Variants in PTK2 observed in about 807,000 individuals in gnomAD.
PTK2 encodes focal adhesion kinase 1.
A neutral mutation model predicts 150.1 loss-of-function variants in PTK2; 45 were observed. That is an observed-to-expected ratio of 0.30 (90% confidence interval 0.24 to 0.38). The LOEUF is 0.38. PTK2 is among the 10% of genes least tolerant of loss of function. The pLI is 1.00. For missense variants in PTK2, 919 were observed against 1,307.3 expected, an observed-to-expected ratio of 0.70 and a Z score of 4.58; for synonymous variants, 432 against 449.2, an observed-to-expected ratio of 0.96 and a Z score of 0.48.
chr8:140,663,844 A>T (rs1384450904), intron 31 of PTK2, among the ~76,000 whole-genome samples: 1 of 152,018 alleles, frequency 6.6e-6, no homozygotes, highest in Non-Finnish European at 1.5e-5. Flanking sequence ...TTTTGTAGAG[A>T]CAGAGTCTCG....
At chr8:140,707,254 T>C (rs2100034332) in intron 23 of PTK2, among the ~76,000 whole-genome samples, 2 of 152,176 alleles carry the variant, frequency 1.3e-5, no homozygotes, top group East Asian at 1.9e-4. Context: ...AAAAATGTTA[T>C]AGGCTGGGCG....
chr8:140,701,572 A>C (rs2154091365), intron 25 of PTK2, among the ~76,000 whole-genome samples: 1 of 152,240 alleles, frequency 6.6e-6, no homozygotes, highest in South Asian at 2.1e-4. Flanking sequence ...AGGTCAAATA[A>C]ATTTTTAAAC....
intron 5 of PTK2, among the ~76,000 whole-genome samples, chr8:140,860,558 T>A (rs2100135457): frequency 6.6e-6 from 1 of 152,200 alleles, no homozygotes; most frequent in Admixed American, 6.5e-5. Flanking sequence ...CACTGCAACC[T>A]TTGCCTCCTG....
chr8:140,744,082 CTTTTTTT>C (rs5895647), intron 19 of PTK2, among the ~76,000 whole-genome samples: 2 of 144,984 alleles, frequency 1.4e-5, no homozygotes, highest in Non-Finnish European at 3.0e-5. Flanking sequence ...CGGCCTATTT[CTTTTTTT>C]TTTTTTTGGA....
At chr8:140,880,551 C>G (rs2100148588) in intron 3 of PTK2, among the ~76,000 whole-genome samples, 1 of 151,958 alleles carries the variant, frequency 6.6e-6, no homozygotes, top group Non-Finnish European at 1.5e-5. Context: ...GGTGATAAGA[C>G]AAGTTTTTTT....
chr8:140,846,522 G>C (rs1259847708), intron 6 of PTK2, 77 bp downstream of exon 6: 1 of 1,297,026 alleles, frequency 7.7e-7, no homozygotes, highest in Non-Finnish European at 1.1e-6. Flanking sequence ...ATGAAGAAAA[G>C]GAAAATACCT....
At chr8:140,698,044 G>C (rs2100027910) in intron 26 of PTK2, among the ~76,000 whole-genome samples, 1 of 151,910 alleles carries the variant, frequency 6.6e-6, no homozygotes, top group South Asian at 2.1e-4. Flanking sequence ...TTCCTGGAAT[G>C]TATTTCCTGA....
chr8:140,740,197 G>C (rs902282894), intron 20 of PTK2, among the ~76,000 whole-genome samples: 2 of 152,096 alleles, frequency 1.3e-5, no homozygotes, highest in African/African-American at 4.8e-5. Context: ...TTTTTTTCAA[G>C]GAATGCTCAT....
chr8:140,906,175 C>T (rs2100160799), intron 2 of PTK2, among the ~76,000 whole-genome samples: 1 of 152,148 alleles, frequency 6.6e-6, no homozygotes, highest in Admixed American at 6.5e-5. Flanking sequence ...GATACCATCT[C>T]ACCTCAGTTG....
At chr8:140,842,330 A>AT (rs977735365) in intron 7 of PTK2, among the ~76,000 whole-genome samples, 5 of 151,010 alleles carry the variant, frequency 3.3e-5, no homozygotes, top group South Asian at 2.1e-4. Flanking sequence ...ATTGTTTTCT[A>AT]TTTTTTTTTC....
chr8:140,968,413 T>C (rs1291181661), intron 1 of PTK2, among the ~76,000 whole-genome samples: 1 of 152,198 alleles, frequency 6.6e-6, no homozygotes, highest in Admixed American at 6.5e-5. Flanking sequence ...ATTATTTATA[T>C]GACTAGCCAA....
intron 1 of PTK2, among the ~76,000 whole-genome samples, chr8:140,934,031 G>A (rs902023662): frequency 6.6e-6 from 1 of 151,910 alleles, no homozygotes; most frequent in Non-Finnish European, 1.5e-5. Context: ...AAAGCCACCA[G>A]TTGGTATTCA....
intron 10 of PTK2, among the ~76,000 whole-genome samples, chr8:140,818,061 T>C (rs1257003851): frequency 1.3e-5 from 2 of 152,198 alleles, no homozygotes; most frequent in African/African-American, 2.4e-5. Flanking sequence ...CATGTTAGGT[T>C]TGTATGATTC....
At chr8:140,756,558 G>A (rs1401499387) in intron 16 of PTK2, among the ~76,000 whole-genome samples, 3 of 151,460 alleles carry the variant, frequency 2.0e-5, no homozygotes, top group African/African-American at 7.3e-5. Context: ...TTAGCCGGGT[G>A]TGGTGGCACC....
chr8:140,817,591 T>C (rs2100105530), intron 10 of PTK2, among the ~76,000 whole-genome samples: 1 of 152,354 alleles, frequency 6.6e-6, no homozygotes, highest in East Asian at 1.9e-4. Flanking sequence ...TCGGTACTTA[T>C]TGTTGTATGA....
intron 2 of PTK2, among the ~76,000 whole-genome samples, chr8:140,922,647 C>T (rs564113663): frequency 6.6e-6 from 1 of 152,174 alleles, no homozygotes; most frequent in Non-Finnish European, 1.5e-5. Context: ...AAAATAAAAG[C>T]TACCTTCATT....
chr8:140,873,668 G>T (rs762955731), intron 4 of PTK2, among the ~76,000 whole-genome samples: 1 of 152,036 alleles, frequency 6.6e-6, no homozygotes, highest in Non-Finnish European at 1.5e-5. Flanking sequence ...GTTTCACCAC[G>T]TTAGTCAGGC....
At chr8:140,860,217 C>A (rs1354634231) in intron 5 of PTK2, among the ~76,000 whole-genome samples, 1 of 152,158 alleles carries the variant, frequency 6.6e-6, no homozygotes, top group Non-Finnish European at 1.5e-5. Flanking sequence ...TCTGCAACGC[C>A]TCTAATTTCT....
intron 10 of PTK2, among the ~76,000 whole-genome samples, chr8:140,812,610 T>C (rs1224321779): frequency 6.6e-6 from 1 of 152,158 alleles, no homozygotes; most frequent in Non-Finnish European, 1.5e-5. Context: ...GAACCAAGAT[T>C]CATTGGTATG....
Sources: allele counts gnomAD v4.1 joint callset (sites outside exome capture counted in the v4.1 genomes callset), GRCh38; gene constraint gnomAD v4.1.1; transcripts MANE v1.5; gene names NCBI Gene and HGNC (gene_info 2026-07-23, HGNC 2026-07-21).